The following PCDHA2 variants were observed in gnomAD, a reference collection of about 807,000 sequenced individuals.
PCDHA2 encodes the protein protocadherin alpha-2.
PCDHA2 carries 58 observed loss-of-function variants against 66.0 expected under a neutral mutation model. The ratio of observed to expected loss-of-function variants is 0.88; its 90% CI spans 0.71 to 1.09. The LOEUF (loss-of-function observed/expected upper bound fraction) is 1.09, where lower values mean the gene tolerates loss of function less well. Ranked by LOEUF, PCDHA2 falls within the 50% of genes least tolerant of loss-of-function variation. The probability of loss-of-function intolerance (pLI) is 0.00; values close to 1 mark genes in which losing one functional copy is unlikely to be tolerated. For missense variants in PCDHA2, 1,267 were observed against 1,242.3 expected, an observed-to-expected ratio of 1.02 and a Z score of -0.30; for synonymous variants, 634 against 554.0, an observed-to-expected ratio of 1.14 and a Z score of -2.03.
intron 1 of PCDHA2, chr5:140,876,869 A>G: frequency 1.9e-6 from 3 of 1,614,030 alleles, no homozygotes; most frequent in Non-Finnish European, 2.5e-6. Flanking sequence ...TTCGTGAAGG[A>G]GAACAACCCG....
At chr5:140,966,692 G>A in intron 1 of PCDHA2, 2 of 1,352,080 alleles carry the variant, frequency 1.5e-6, no homozygotes, top group East Asian at 2.9e-5. Context: ...CGGAGGCGGG[G>A]CCCGGGCGTG....
chr5:140,916,003 A>G (rs971043760), intron 1 of PCDHA2, among the ~76,000 whole-genome samples: 1 of 152,146 alleles, frequency 6.6e-6, no homozygotes, highest in Non-Finnish European at 1.5e-5. Context: ...CACTCAAACC[A>G]CAAGACAAAG....
At chr5:140,910,619 C>T (rs1554194336) in intron 1 of PCDHA2, among the ~76,000 whole-genome samples, 1 of 152,226 alleles carries the variant, frequency 6.6e-6, no homozygotes, top group Non-Finnish European at 1.5e-5. Context: ...TAATCCACTC[C>T]ACCATCCCAA....
chr5:140,887,251 C>G (rs2153419046), intron 1 of PCDHA2, among the ~76,000 whole-genome samples: 1 of 152,162 alleles, frequency 6.6e-6, no homozygotes. Context: ...CGCCCGCCAC[C>G]ACGCCCTGCT....
At chr5:140,850,217 C>A (rs2150473800) in intron 1 of PCDHA2, 2 of 1,593,480 alleles carry the variant, frequency 1.3e-6, no homozygotes, top group African/African-American at 1.3e-5. Context: ...GGGGCACTGA[C>A]GGCGCAGTGA....
chr5:140,970,651 T>C (rs1191146950), intron 1 of PCDHA2, among the ~76,000 whole-genome samples: 4 of 152,226 alleles, frequency 2.6e-5, no homozygotes, highest in Non-Finnish European at 5.9e-5. Flanking sequence ...TAGTGATGAA[T>C]TGTTATCTTT....
intron 1 of PCDHA2, among the ~76,000 whole-genome samples, chr5:140,945,351 A>C (rs1368185977): frequency 6.6e-6 from 1 of 152,138 alleles, no homozygotes; most frequent in Admixed American, 6.5e-5. Flanking sequence ...GGAAAAATTA[A>C]TACTGTTTAA....
chr5:141,000,395 CTATA>C (rs1190667031), intron 3 of PCDHA2, among the ~76,000 whole-genome samples: 54 of 53,974 alleles, frequency 1.0e-3, no homozygotes, highest in East Asian at 2.4e-3. Context: ...CTCTCTCTCT[CTATA>C]TATATATATA....
At position 140,802,905 on chromosome 5, in the gene PCDHA2, G is replaced by A. The variant is rs782648396; in HGVS notation, c.2388+5553G>A. On this transcript the variant is annotated intron_variant, in intron 1 of 3. Transcript: ENST00000526136. ...CGCGCCGGCACTGCTGATGCCTCGG[G>A]TGGGTGGCATCGGTGGCGCAGTGAG... is the stretch of plus-strand genomic sequence containing the variant. 49 of 1,613,674 alleles carry A rather than the reference G, an allele frequency of 3.0e-5. No individual in the cohort carries two copies. Among genetic ancestry groups the A allele is most frequent in the Admixed American group, 5.0e-5 (3 of 59,992 alleles).
chr5:140,829,044 T>A, intron 1 of PCDHA2: 13 of 1,613,140 alleles, frequency 8.1e-6, no homozygotes, highest in Non-Finnish European at 1.1e-5. Context: ...TTATACAAAA[T>A]CCTCATTGAC....
chr5:140,858,249 A>G lies in PCDHA2; in HGVS notation c.2388+60897A>G, dbSNP rs782165070. Reference sequence around the variant, plus strand: ...ACCGAGGGCGCATGTGGGCCGGTGAAGCCCACGCTGGTGTGCTCTAGCGCG... The same window carrying G: ...ACCGAGGGCGCATGTGGGCCGGTGAGGCCCACGCTGGTGTGCTCTAGCGCG... On this transcript the variant is annotated intron_variant, in intron 1 of 3. Coordinates refer to ENST00000526136, the MANE Select transcript of PCDHA2 (RefSeq NM_018905.3). 53 of 1,596,100 alleles carry G rather than the reference A, an allele frequency of 3.3e-5. 6 individuals are homozygous for G. The highest frequency in any genetic ancestry group is 4.5e-5 in the Non-Finnish European group (52 of 1,166,170).
rs782081759 is a variant in PCDHA2, at chr5:140,803,272, C to T, written c.2388+5920C>T. 3.1e-6 allele frequency: 5 copies of T among 1,614,026 alleles called. No individual in the cohort carries two copies. The Admixed American group carries it at 5.0e-5, about 16-fold the overall frequency. On this transcript the variant is annotated intron_variant, in intron 1 of 3. Transcript: ENST00000526136. ...GCTGGCGCCACGGGCCCGGAAGCTG[C>T]ACTGGTGGATGTCAACGTGTACTTG...
intron 1 of PCDHA2, among the ~76,000 whole-genome samples, chr5:140,925,950 A>G (rs2082820493): frequency 6.6e-6 from 1 of 152,030 alleles, no homozygotes. Flanking sequence ...GGAGAAGGAG[A>G]AACTGCTATC....
In PCDHA2 at chr5:140,828,897, G is replaced by A. The variant is rs2150160377; in HGVS notation, c.2388+31545G>A. 12 of 1,613,934 alleles carry A rather than the reference G, an allele frequency of 7.4e-6. No individual in the cohort carries two copies. The Admixed American group carries it at 2.0e-4, about 27-fold the overall frequency. ...GTTATCAGACTGAATGCTTCTGATC[G>A]GGATGAAGGAGCGAATGGGGCAATT... On this transcript the variant is annotated intron_variant, in intron 1 of 3. Coordinates refer to ENST00000526136, the MANE Select transcript of PCDHA2 (RefSeq NM_018905.3).
intron 1 of PCDHA2, among the ~76,000 whole-genome samples, chr5:140,845,288 C>A (rs1304336704): frequency 6.7e-6 from 1 of 149,098 alleles, no homozygotes; most frequent in Non-Finnish European, 1.5e-5. Flanking sequence ...ATTTCCTATC[C>A]TGTCTATGTC....
chr5:140,927,769 G>A (rs1471080821), intron 1 of PCDHA2: 4 of 1,614,084 alleles, frequency 2.5e-6, no homozygotes, highest in African/African-American at 2.7e-5. Context: ...AAGTGGGGAG[G>A]TGCAAGTAGC....
chr5:140,966,501 C>A (rs993120522), intron 1 of PCDHA2: 8 of 436,558 alleles, frequency 1.8e-5, no homozygotes, highest in Admixed American at 8.7e-5. Flanking sequence ...GGAGCTGTAG[C>A]GGCAGCAGCA....
rs2150380151 is a variant in PCDHA2 at position 140,845,602 on chromosome 5, T to C, written c.2388+48250T>C. Among the ~76,000 whole-genome samples, 10 of 149,646 alleles carry C rather than the reference T, an allele frequency of 6.7e-5. 1 individual carries two copies. Among genetic ancestry groups the C allele is most frequent in the African/African-American group, 2.4e-4 (10 of 40,860 alleles). On this transcript the variant is annotated intron_variant, in intron 1 of 3. Coordinates refer to ENST00000526136, the MANE Select transcript of PCDHA2 (RefSeq NM_018905.3). ...TTGAAATGTGTCAGAAGTTAGTTATTAAGTATTGTGGATTCTGAAGCTCTC... is the reference window on the plus strand; with the variant it reads ...TTGAAATGTGTCAGAAGTTAGTTATCAAGTATTGTGGATTCTGAAGCTCTC...
At chr5:140,810,669 T>C (rs1390570717) in intron 1 of PCDHA2, 1 of 99,100 alleles carries the variant, frequency 1.0e-5, no homozygotes, top group Middle Eastern at 5.4e-3. Flanking sequence ...GTTTTTCTTT[T>C]CTTTTTTCTC....
Sources: allele counts gnomAD v4.1 joint callset (sites outside exome capture counted in the v4.1 genomes callset), GRCh38; gene constraint gnomAD v4.1.1; transcripts MANE v1.5; gene names NCBI Gene and HGNC (gene_info 2026-07-23, HGNC 2026-07-21).